The following STK32B variants were observed in gnomAD, a reference collection of about 807,000 sequenced individuals.
The protein encoded by STK32B is serine/threonine kinase 32B, also known as serine/threonine-protein kinase 32B.
STK32B carries 43 observed loss-of-function variants against 52.6 expected under a neutral mutation model. The observed-to-expected ratio is 0.82, with a 90% CI of 0.64 to 1.05. STK32B has a LOEUF of 1.05. STK32B is among the 50% of genes least tolerant of loss of function. The pLI is 0.00. For synonymous variants in STK32B, 238 were observed against 204.3 expected (o/e 1.17, Z -1.41); for missense variants, 621 against 534.6 (o/e 1.16, Z -1.59).
chr4:5,183,990 G>A (rs73091586), intron 3 of STK32B, among the ~76,000 whole-genome samples: 16,441 of 152,106 alleles, frequency 0.11, 1,479 homozygotes, highest in African/African-American at 0.24. Context: ...AACTTTCTCC[G>A]TATCAGCAGT....
chr4:5,044,010 A>G, the STK32B span, among the ~76,000 whole-genome samples: 7 of 152,196 alleles, frequency 4.6e-5, no homozygotes, highest in African/African-American at 1.4e-4. Flanking sequence ...TTCATGGCCA[A>G]TAACAAACAC....
chr4:5,050,397 T>G (rs753550807), upstream of STK32B, among the ~76,000 whole-genome samples: 8 of 150,672 alleles, frequency 5.3e-5, no homozygotes, highest in Non-Finnish European at 1.2e-4. Context: ...TCTTTCCCAC[T>G]GCCTTTAAGA....
chr4:5,112,108 C>T (rs757350905), intron 1 of STK32B, among the ~76,000 whole-genome samples: 106 of 152,122 alleles, frequency 7.0e-4, no homozygotes, highest in Non-Finnish European at 1.1e-3. Context: ...ACATTTCTCA[C>T]CTGCTGTGCA....
chr4:5,465,278 A>T (rs1412876400), intron 9 of STK32B, among the ~76,000 whole-genome samples: 1 of 152,140 alleles, frequency 6.6e-6, no homozygotes, highest in Non-Finnish European at 1.5e-5. Context: ...TCAGCCTCAC[A>T]GACTTGCACT....
At chr4:5,385,730 T>C (rs1736204591) in intron 4 of STK32B, among the ~76,000 whole-genome samples, 1 of 152,004 alleles carries the variant, frequency 6.6e-6, no homozygotes, top group African/African-American at 2.4e-5. Context: ...TCCATCCTCA[T>C]GGAACCTACA....
At chr4:5,200,171 G>A (rs747365588) in intron 3 of STK32B, among the ~76,000 whole-genome samples, 15 of 151,716 alleles carry the variant, frequency 9.9e-5, no homozygotes, top group Non-Finnish European at 1.8e-4. Context: ...ATTGAATCAA[G>A]CAATGCCCAA....
At chr4:5,314,904 G>A (rs1026303403) in intron 3 of STK32B, among the ~76,000 whole-genome samples, 1 of 152,080 alleles carries the variant, frequency 6.6e-6, no homozygotes, top group Admixed American at 6.6e-5. Flanking sequence ...AGAGAAGAAT[G>A]AAGAGCTAAG....
chr4:5,100,367 C>CT (rs1342210799), intron 1 of STK32B, among the ~76,000 whole-genome samples: 2 of 132,012 alleles, frequency 1.5e-5, no homozygotes, highest in Non-Finnish European at 3.3e-5. Context: ...CCCCAGCTGC[C>CT]TTTCTTGCCT....
chr4:5,336,565 T>A lies in STK32B; in HGVS notation c.434+5172T>A, dbSNP rs546769168. 1.6e-4 allele frequency among the ~76,000 whole-genome samples: 24 copies of A among 152,136 alleles called. No homozygotes were observed. The South Asian group carries it at 4.3e-3, about 28-fold the overall frequency. ...GTGAAACAAGAAATAGCATTTTTTT[T>A]AAATTCATGGAATAAACATCAGTGC... On this transcript the variant is annotated intron_variant, in intron 4 of 11. Transcript: ENST00000282908.
chr4:5,365,225 G>T (rs867525999), intron 4 of STK32B, among the ~76,000 whole-genome samples: 3 of 152,282 alleles, frequency 2.0e-5, no homozygotes, highest in African/African-American at 4.8e-5. Context: ...ACTGAACAAT[G>T]TAATTACTTC....
chr4:5,025,351 C>T, the STK32B span, among the ~76,000 whole-genome samples: 6 of 152,200 alleles, frequency 3.9e-5, no homozygotes, highest in Admixed American at 3.9e-4. Context: ...AACGGGGGAG[C>T]TGGGCTTCCT....
chr4:5,267,559 A>G (rs1727133066), intron 3 of STK32B, among the ~76,000 whole-genome samples: 2 of 152,212 alleles, frequency 1.3e-5, no homozygotes, highest in African/African-American at 2.4e-5. Flanking sequence ...TGAAAGCTCC[A>G]GTAAATTAAG....
rs1001890312 is a variant in STK32B at position 5,377,168 on chromosome 4, T to C, written c.435-21039T>C. 2.2e-4 allele frequency among the ~76,000 whole-genome samples: 33 copies of C among 152,318 alleles called. 1 individual carries two copies. The highest frequency in any genetic ancestry group is 3.4e-3 in the Middle Eastern group (1 of 294). On this transcript the variant is annotated intron_variant, in intron 4 of 11. Coordinates refer to ENST00000282908, the MANE Select transcript of STK32B (RefSeq NM_018401.3). ...GTCATTGGACTTTTATATGGTATGG[T>C]GCGGTGCATCTAGAAATATTCTTTA... is the stretch of plus-strand genomic sequence containing the variant.
intron 3 of STK32B, among the ~76,000 whole-genome samples, chr4:5,240,260 A>T (rs897846700): frequency 1.3e-5 from 2 of 151,756 alleles, no homozygotes; most frequent in Non-Finnish European, 1.5e-5. Context: ...TGTTAAACCA[A>T]TTGATGTTTT....
At chr4:5,020,576 A>G in the STK32B span, among the ~76,000 whole-genome samples, 1 of 152,156 alleles carries the variant, frequency 6.6e-6, no homozygotes, top group Non-Finnish European at 1.5e-5. Flanking sequence ...GAGGTCACAA[A>G]GCTGGAGGCA....
chr4:5,195,580 C>G (rs746569585), intron 3 of STK32B, among the ~76,000 whole-genome samples: 8 of 152,108 alleles, frequency 5.3e-5, no homozygotes, highest in Non-Finnish European at 1.0e-4. Context: ...GTAATTCCAG[C>G]TACTTGGGAG....
At chr4:5,491,497 G>T (rs1447834330) in intron 11 of STK32B, among the ~76,000 whole-genome samples, 1 of 151,936 alleles carries the variant, frequency 6.6e-6, no homozygotes, top group African/African-American at 2.4e-5. Flanking sequence ...CAGATGAGTA[G>T]GTTGTGAAAA....
At position 5,395,631 on chromosome 4, in the gene STK32B, G is replaced by A. The variant is rs1414984442; in HGVS notation, c.435-2576G>A. Among the ~76,000 whole-genome samples, 1 of 152,140 alleles carries A rather than the reference G, an allele frequency of 6.6e-6. No homozygotes were observed. Among genetic ancestry groups the A allele is most frequent in the Non-Finnish European group, 1.5e-5 (1 of 68,038 alleles). On this transcript the variant is annotated intron_variant, in intron 4 of 11. Coordinates refer to ENST00000282908, the MANE Select transcript of STK32B (RefSeq NM_018401.3). The surrounding 1 kb of genome is among the most constrained non-coding windows in gnomAD (Gnocchi z 4.4). ...ATTCAGTTGGGTCTGTCTTGTTCAC[G>A]ACGTGTCCTTCATGACCGCAAAGGG...
rs542436659 is a variant in STK32B, at chr4:5,354,891, G to C, written c.434+23498G>C. Among the ~76,000 whole-genome samples, 32 of 152,238 alleles carry C rather than the reference G, an allele frequency of 2.1e-4. No homozygotes were observed. The East Asian group carries it at 4.4e-3, about 21-fold the overall frequency. On this transcript the variant is annotated intron_variant, in intron 4 of 11. Transcript: ENST00000282908. ...AAGTGAAAGAGGGAGGCAGAAGTGG[G>C]TGTCAAACTGATGCAACATGAGAAA...
Sources: allele counts gnomAD v4.1 joint callset (sites outside exome capture counted in the v4.1 genomes callset), GRCh38; gene constraint gnomAD v4.1.1; non-coding constraint Gnocchi (gnomAD v3.1); transcripts MANE v1.5; gene names NCBI Gene and HGNC (gene_info 2026-07-23, HGNC 2026-07-21).